The following LRRFIP1 variants were observed in gnomAD, a reference collection of about 807,000 sequenced individuals.
LRRFIP1 encodes leucine-rich repeat flightless-interacting protein 1.
Under a neutral mutation model 104.4 loss-of-function variants are expected in LRRFIP1, and 62 were observed. The observed-to-expected ratio is 0.59, with a 90% confidence interval of 0.48 to 0.73. The LOEUF (loss-of-function observed/expected upper bound fraction) is 0.73. Among genes scored for constraint, LRRFIP1 ranks in the 30% least tolerant of loss-of-function variants. The probability of loss-of-function intolerance (pLI) is 0.00; values close to 1 mark genes in which losing one functional copy is unlikely to be tolerated. For missense variants in LRRFIP1, 796 were observed against 824.5 expected (o/e 0.97, Z 0.42); for synonymous variants, 300 against 299.0 (o/e 1.00, Z -0.03).
chr2:237,752,645 G>A (rs1474342446), intron 14 of LRRFIP1, among the ~76,000 whole-genome samples: 1 of 152,204 alleles, frequency 6.6e-6, no homozygotes, highest in Non-Finnish European at 1.5e-5. Context: ...TCATGTTTGG[G>A]GACCTGCAAG....
At chr2:237,778,022 T>G (rs945313333) in intron 23 of LRRFIP1, among the ~76,000 whole-genome samples, 2 of 152,240 alleles carry the variant, frequency 1.3e-5, no homozygotes, top group Non-Finnish European at 2.9e-5. Context: ...TGTATTCTTA[T>G]TCTTTAAATA....
intron 19 of LRRFIP1, chr2:237,764,884 A>G: frequency 1.0e-6 from 1 of 985,648 alleles, no homozygotes; most frequent in Non-Finnish European, 1.2e-6. Context: ...TTCATTTTAT[A>G]GAAAGATTTA....
At chr2:237,748,289 A>G in intron 11 of LRRFIP1, 75 bp from the exon 12 acceptor site, 1 of 1,070,784 alleles carries the variant, frequency 9.3e-7, no homozygotes, top group Non-Finnish European at 1.4e-6. Context: ...TTTGTTTATC[A>G]TTCATAGCCC....
chr2:237,695,049 C>T (rs1476010782), intron 1 of LRRFIP1, among the ~76,000 whole-genome samples: 1 of 152,148 alleles, frequency 6.6e-6, no homozygotes, highest in Non-Finnish European at 1.5e-5. Flanking sequence ...TCAGTTGGCA[C>T]GAGGCGGGCT....
intron 1 of LRRFIP1, among the ~76,000 whole-genome samples, chr2:237,676,946 ACT>A (rs1215296261): frequency 1.3e-5 from 2 of 151,888 alleles, no homozygotes; most frequent in East Asian, 1.9e-4. Context: ...TTCTGGGGAA[ACT>A]CTGCGCTGGC....
Position 237,652,578 on chromosome 2 carries a change from T to C in LRRFIP1, c.96+24838T>C, listed in dbSNP as rs571244903. On this transcript the variant is annotated intron_variant, in intron 1 of 23. Coordinates refer to ENST00000308482, the MANE Select transcript of LRRFIP1 (RefSeq NM_001137550.2). The stretch of plus-strand genomic sequence containing the variant: ...GAATTACCATATAATTTGGCAGTTG[T>C]ACTTCTGAGTGTTCACCGAAAAGAC... Among the ~76,000 whole-genome samples the C allele has an allele frequency of 2.0e-5, 3 of 152,348 alleles. No homozygotes were observed. In the South Asian group the frequency reaches 6.2e-4, roughly 32 times the overall value.
intron 11 of LRRFIP1, among the ~76,000 whole-genome samples, chr2:237,745,127 G>GT (rs2057658568): frequency 6.6e-6 from 1 of 152,224 alleles, no homozygotes; most frequent in Non-Finnish European, 1.5e-5. Context: ...AGGGGGCTTG[G>GT]TTAAGGTGGA....
chr2:237,709,580 T>G (rs982110600), intron 2 of LRRFIP1, among the ~76,000 whole-genome samples: 20 of 152,334 alleles, frequency 1.3e-4, no homozygotes, highest in African/African-American at 4.8e-4. Context: ...GATTCTCTTA[T>G]GGTGGTTGTA....
intron 1 of LRRFIP1, among the ~76,000 whole-genome samples, chr2:237,645,996 C>T (rs1272692535): frequency 6.6e-6 from 1 of 152,052 alleles, no homozygotes; most frequent in Non-Finnish European, 1.5e-5. Flanking sequence ...CTCTGTTCCT[C>T]GCCGTGGGGA....
Position 237,735,547 on chromosome 2 carries a change from G to T in LRRFIP1, c.555+214G>T. 3.7e-6 allele frequency: 2 copies of T among 538,332 alleles called. No individual in the cohort carries two copies. The highest frequency in any genetic ancestry group is 6.6e-6 in the Non-Finnish European group (2 of 304,014). The allele number at this position is 538,332 out of a possible 1,614,324, so 33.3% of individuals were successfully genotyped here. ...GTTGGTTTCATGTCCTCACTCATCA[G>T]GGAGAGTAACTTGCACTGAGTTTCA... On this transcript the variant is annotated intron_variant, in intron 10 of 23. Transcript: ENST00000308482. The surrounding 1 kb of genome is among the most constrained non-coding windows in gnomAD (Gnocchi z 4.6).
In LRRFIP1 at chr2:237,627,734, G is replaced by A. The variant is rs2149207861; in HGVS notation, c.90G>A (p.Ala30=). The change falls in exon 1 of 24, where the codon GCG becomes GCA. Residue 30 remains alanine (A), a synonymous_variant. Transcript: ENST00000308482. Reference sequence around the variant, plus strand: ...AGGACGACGCGCTCAACCAGATCGCGCGGGAGGTGAGCGCTCCGGGAGGGC... The same window carrying A: ...AGGACGACGCGCTCAACCAGATCGCACGGGAGGTGAGCGCTCCGGGAGGGC... ...TAEDDALNQI[A]REAEARLAAK... The A allele has an allele frequency of 1.5e-6, 2 of 1,306,332 alleles. No individual in the cohort carries two copies. Among genetic ancestry groups the A allele is most frequent in the South Asian group, 1.9e-5 (1 of 54,030 alleles). 80.9% of individuals were successfully genotyped at this position (1,306,332 alleles called of 1,614,324 possible). A position where few individuals can be genotyped will look rare whatever the true frequency, so the allele number is the denominator to read the frequency against.
intron 1 of LRRFIP1, among the ~76,000 whole-genome samples, chr2:237,658,716 T>C (rs1244917583): frequency 6.6e-6 from 1 of 152,146 alleles, no homozygotes; most frequent in African/African-American, 2.4e-5. Context: ...GAACCCCTTA[T>C]AAAACCATCA....
chr2:237,769,524 T>C (rs1377567815), intron 19 of LRRFIP1: 1 of 191,090 alleles, frequency 5.2e-6, no homozygotes, highest in Non-Finnish European at 1.1e-5. Flanking sequence ...GATAAATACA[T>C]CTGGGATGTA....
intron 11 of LRRFIP1, among the ~76,000 whole-genome samples, chr2:237,746,149 C>G (rs1031535166): frequency 2.0e-5 from 3 of 151,414 alleles, no homozygotes; most frequent in Non-Finnish European, 4.4e-5. Context: ...ACCTCTACCT[C>G]CTGGGTTCAA....
At chr2:237,719,783 G>A (rs1030167077) in intron 5 of LRRFIP1, among the ~76,000 whole-genome samples, 8 of 152,184 alleles carry the variant, frequency 5.3e-5, no homozygotes, top group African/African-American at 1.9e-4. Context: ...TTGATAAGGA[G>A]AGTGTGTTTG....
chr2:237,736,394 G>A (rs2095249073), intron 10 of LRRFIP1, among the ~76,000 whole-genome samples: 1 of 152,198 alleles, frequency 6.6e-6, no homozygotes, highest in Non-Finnish European at 1.5e-5. Context: ...AACCATGCAT[G>A]AAGAATGAAA....
At chr2:237,674,068 C>T (rs1463294112) in intron 1 of LRRFIP1, among the ~76,000 whole-genome samples, 3 of 152,188 alleles carry the variant, frequency 2.0e-5, no homozygotes, top group Non-Finnish European at 4.4e-5. Flanking sequence ...CTGCTGCCCC[C>T]GCGGGAAGGA....
intron 8 of LRRFIP1, among the ~76,000 whole-genome samples, chr2:237,730,940 A>G (rs991970732): frequency 1.3e-5 from 2 of 152,030 alleles, no homozygotes; most frequent in Admixed American, 1.3e-4. Context: ...AAACAAACAA[A>G]CAAACAAATA....
Position 237,701,578 on chromosome 2 carries a change from C to T in LRRFIP1, c.97-6966C>T, listed in dbSNP as rs370979781. Among the ~76,000 whole-genome samples the T allele has an allele frequency of 6.0e-4, 91 of 152,320 alleles. 1 individual carries two copies. In the East Asian group the frequency reaches 8.1e-3, roughly 14 times the overall value. On this transcript the variant is annotated intron_variant, in intron 1 of 23. Coordinates refer to ENST00000308482, the MANE Select transcript of LRRFIP1 (RefSeq NM_001137550.2). ...CGGGCTGTCCCTGAGTTCCCTGACC[C>T]GGAAGAAGGGACGGCCATTATCTTT...
Sources: allele counts gnomAD v4.1 joint callset (sites outside exome capture counted in the v4.1 genomes callset), GRCh38; gene constraint gnomAD v4.1.1; non-coding constraint Gnocchi (gnomAD v3.1); transcripts MANE v1.5; gene names NCBI Gene and HGNC (gene_info 2026-07-23, HGNC 2026-07-21).